The following ITGBL1 variants were observed in gnomAD, a reference collection of about 807,000 sequenced individuals.
ITGBL1 encodes integrin beta-like protein 1.
A neutral mutation model predicts 68.5 loss-of-function variants in ITGBL1; 51 were observed. The ratio of observed to expected loss-of-function variants is 0.74; its 90% CI spans 0.59 to 0.94. ITGBL1 has a LOEUF of 0.94. Among genes scored for constraint, ITGBL1 ranks in the 40% least tolerant of loss-of-function variants. The probability of loss-of-function intolerance (pLI) is 0.00; values close to 1 mark genes in which losing one functional copy is unlikely to be tolerated. For missense variants in ITGBL1, 649 were observed against 647.4 expected (o/e 1.00, Z -0.03); for synonymous variants, 209 against 227.3 (o/e 0.92, Z 0.72).
chr13:101,502,116 T>C (rs924479224), intron 2 of ITGBL1, among the ~76,000 whole-genome samples: 1 of 152,186 alleles, frequency 6.6e-6, no homozygotes, highest in Non-Finnish European at 1.5e-5. Context: ...TAGATATAAG[T>C]ACACACTTAA....
chr13:101,460,099 A>G (rs2048298058), intron 2 of ITGBL1, among the ~76,000 whole-genome samples: 1 of 151,380 alleles, frequency 6.6e-6, no homozygotes, highest in African/African-American at 2.4e-5. Context: ...GTCTTTTTCT[A>G]TTTTTCATCT....
At chr13:101,477,935 T>C (rs1278301106) in intron 2 of ITGBL1, among the ~76,000 whole-genome samples, 1 of 151,960 alleles carries the variant, frequency 6.6e-6, no homozygotes, top group East Asian at 1.9e-4. Context: ...GATCCTACTT[T>C]AACTATTTCA....
intron 2 of ITGBL1, among the ~76,000 whole-genome samples, chr13:101,503,045 T>C (rs2048969399): frequency 6.6e-6 from 1 of 152,164 alleles, no homozygotes; most frequent in Non-Finnish European, 1.5e-5. Context: ...CTGATAGTGG[T>C]TTGTTCAAAC....
At chr13:101,638,434 T>TA (rs56780940) in intron 7 of ITGBL1, among the ~76,000 whole-genome samples, 17 of 148,872 alleles carry the variant, frequency 1.1e-4, no homozygotes, top group Admixed American at 1.3e-4. Context: ...TCTTAAAAAA[T>TA]AAAAAAAAAA....
At chr13:101,613,761 A>T (rs2031236337) in intron 7 of ITGBL1, among the ~76,000 whole-genome samples, 1 of 152,124 alleles carries the variant, frequency 6.6e-6, no homozygotes, top group Non-Finnish European at 1.5e-5. Flanking sequence ...ACCAGTGCTG[A>T]GTTCCCACCC....
At chr13:101,534,507 C>G (rs1275869689) in intron 2 of ITGBL1, among the ~76,000 whole-genome samples, 6 of 152,128 alleles carry the variant, frequency 3.9e-5, no homozygotes, top group African/African-American at 1.4e-4. Context: ...AAGGAATCAA[C>G]AGGCAGTTTC....
chr13:101,662,244 C>T (rs1484480336), intron 7 of ITGBL1, among the ~76,000 whole-genome samples: 1 of 152,066 alleles, frequency 6.6e-6, no homozygotes, highest in Non-Finnish European at 1.5e-5. Flanking sequence ...CACTGCTTTC[C>T]AAAAATGGCA....
chr13:101,675,315 C>T (rs2033475224), intron 7 of ITGBL1, among the ~76,000 whole-genome samples: 1 of 151,812 alleles, frequency 6.6e-6, no homozygotes. Flanking sequence ...TGTCTCAGAT[C>T]TGTAGTTTGA....
chr13:101,666,471 T>A (rs2033220576), intron 7 of ITGBL1, among the ~76,000 whole-genome samples: 1 of 151,756 alleles, frequency 6.6e-6, no homozygotes, highest in Non-Finnish European at 1.5e-5. Context: ...TCCAGAGAGT[T>A]CTTGGATTTC....
At chr13:101,699,179 A>C in intron 8 of ITGBL1, among the ~76,000 whole-genome samples, 2 of 152,196 alleles carry the variant, frequency 1.3e-5, no homozygotes, top group East Asian at 1.9e-4. Flanking sequence ...TTAAAATTGC[A>C]CACCTGTTTC....
At chr13:101,561,857 C>T (rs2050105868) in intron 2 of ITGBL1, among the ~76,000 whole-genome samples, 1 of 152,092 alleles carries the variant, frequency 6.6e-6, no homozygotes, top group South Asian at 2.1e-4. Flanking sequence ...GAATGTGATA[C>T]TTGACAAACT....
intron 8 of ITGBL1, among the ~76,000 whole-genome samples, chr13:101,704,133 A>G (rs908569985): frequency 9.2e-5 from 14 of 151,958 alleles, no homozygotes; most frequent in African/African-American, 3.4e-4. Context: ...TCTTTACAGC[A>G]CCCTCCTTGG....
chr13:101,544,206 G>T (rs1347291396), intron 2 of ITGBL1, among the ~76,000 whole-genome samples: 1 of 152,232 alleles, frequency 6.6e-6, no homozygotes, highest in South Asian at 2.1e-4. Context: ...GGTCTTTGAT[G>T]ATGGTGACGT....
At chr13:101,511,381 T>G (rs1191606395) in intron 2 of ITGBL1, among the ~76,000 whole-genome samples, 1 of 152,122 alleles carries the variant, frequency 6.6e-6, no homozygotes, top group African/African-American at 2.4e-5. Flanking sequence ...AATTCCTTTT[T>G]CTTGAGTGGA....
intron 2 of ITGBL1, among the ~76,000 whole-genome samples, chr13:101,500,198 G>GA (rs781724203): frequency 4.0e-5 from 6 of 150,700 alleles, no homozygotes; most frequent in Admixed American, 6.6e-5. Context: ...CAACAAGCCA[G>GA]AAAAAAAAAG....
intron 3 of ITGBL1, among the ~76,000 whole-genome samples, chr13:101,569,025 AACACACAC>A (rs112814235): frequency 0.022 from 2,247 of 103,706 alleles, 57 homozygotes; most frequent in African/African-American, 0.067. Context: ...CACCCCTCCA[AACACACAC>A]ACACACACAC....
intron 7 of ITGBL1, among the ~76,000 whole-genome samples, chr13:101,653,488 A>C (rs1594956507): frequency 6.6e-6 from 1 of 152,112 alleles, no homozygotes; most frequent in East Asian, 1.9e-4. Context: ...AATCAACAAA[A>C]GTCAGTCAAC....
intron 7 of ITGBL1, among the ~76,000 whole-genome samples, chr13:101,668,539 G>A (rs1302171887): frequency 3.3e-5 from 5 of 152,082 alleles, no homozygotes; most frequent in African/African-American, 4.8e-5. Context: ...TATATTTCAG[G>A]TTCCTACTTG....
chr13:101,641,951 C>T (rs1486948644), intron 7 of ITGBL1, among the ~76,000 whole-genome samples: 1 of 152,022 alleles, frequency 6.6e-6, no homozygotes, highest in Non-Finnish European at 1.5e-5. Context: ...TTTTCTTAAT[C>T]CAGTCTGTCA....
Sources: gnomAD v4.1 joint callset for allele counts (sites outside exome capture counted in the v4.1 genomes callset) on GRCh38, gnomAD v4.1.1 for gene constraint, MANE v1.5 for transcripts, NCBI Gene and HGNC (gene_info 2026-07-23, HGNC 2026-07-21) for gene names.